ZNF800: variants seen among roughly 807,000 people sequenced by gnomAD.
ZNF800 encodes the protein zinc finger protein 800.
ZNF800 carries 13 observed loss-of-function variants against 59.5 expected under a neutral mutation model. The ratio of observed to expected loss-of-function variants is 0.22; its 90% CI spans 0.14 to 0.35. The LOEUF (loss-of-function observed/expected upper bound fraction) is 0.35, where lower values mean the gene tolerates loss of function less well. Ranked by LOEUF, ZNF800 falls within the 10% of genes least tolerant of loss-of-function variation. The pLI is 1.00. For missense variants in ZNF800, 621 were observed against 783.7 expected (o/e 0.79, Z 2.48); for synonymous variants, 266 against 265.7 (o/e 1.00, Z -0.01).
intron 1 of ZNF800, among the ~76,000 whole-genome samples, chr7:127,349,619 G>A (rs949519932): frequency 6.6e-6 from 1 of 152,152 alleles, no homozygotes; most frequent in Non-Finnish European, 1.5e-5. Flanking sequence ...TGAAGGTACT[G>A]GATACAATTA....
intron 3 of ZNF800, among the ~76,000 whole-genome samples, chr7:127,383,254 G>C (rs532212296): frequency 1.3e-5 from 2 of 152,000 alleles, no homozygotes; most frequent in South Asian, 4.2e-4. Flanking sequence ...TAGGCAGAAG[G>C]TGAGACACAA....
chr7:127,355,525 T>G (rs762928457), intron 1 of ZNF800, among the ~76,000 whole-genome samples: 1 of 152,034 alleles, frequency 6.6e-6, no homozygotes, highest in African/African-American at 2.4e-5. Flanking sequence ...GAGTTGGAAC[T>G]GTCAAGAACA....
chr7:127,368,632 T>C (rs916026228), downstream of ZNF800, among the ~76,000 whole-genome samples: 4 of 152,110 alleles, frequency 2.6e-5, no homozygotes, highest in African/African-American at 9.7e-5. Flanking sequence ...TCAGAAGTCA[T>C]GCTATTTGAA....
chr7:127,384,403 T>C lies in ZNF800; in HGVS notation c.157+1657A>G, dbSNP rs1801076485. 4.0e-5 allele frequency among the ~76,000 whole-genome samples: 6 copies of C among 151,576 alleles called. 1 individual carries two copies. The highest frequency in any genetic ancestry group is 3.3e-4 in the Admixed American group (5 of 15,246). On this transcript the variant is annotated intron_variant, in intron 3 of 5. Transcript: ENST00000265827. Reference sequence around the variant, plus strand: ...CGCCCGCCGCCGCCCCCCAGCTAATTTTTTGTATTTTTAGTAGAGACGGAG... The same window carrying C: ...CGCCCGCCGCCGCCCCCCAGCTAATCTTTTGTATTTTTAGTAGAGACGGAG...
At chr7:127,379,191 CA>C (rs1239571922) in intron 3 of ZNF800, among the ~76,000 whole-genome samples, 1 of 152,116 alleles carries the variant, frequency 6.6e-6, no homozygotes, top group Non-Finnish European at 1.5e-5. Context: ...TTTCACATTA[CA>C]AAATATCTTG....
At position 127,377,903 on chromosome 7, in the gene ZNF800, G is replaced by A. The variant is rs936057269; in HGVS notation, c.158-574C>T. On this transcript the variant is annotated intron_variant, in intron 3 of 5. Transcript: ENST00000265827. This position sits in a 1 kb window ranked among gnomAD's most constrained non-coding sequence, Gnocchi z 4.7. ...ATTACTTCAGGTTCTGGGCCAACAT[G>A]GGATTATGGCTATTTAGCGTGATTC... Among the ~76,000 whole-genome samples the A allele has an allele frequency of 2.6e-5, 4 of 151,944 alleles. No homozygotes were observed. Among genetic ancestry groups the A allele is most frequent in the African/African-American group, 9.7e-5 (4 of 41,396 alleles).
At position 127,374,537 on chromosome 7, in the gene ZNF800, G is replaced by C. The variant is rs1800731488; in HGVS notation, c.799C>G (p.Arg267Gly). 1 of 1,613,958 alleles carries C rather than the reference G, an allele frequency of 6.2e-7. No individual in the cohort carries two copies. The highest frequency in any genetic ancestry group is 8.5e-7 in the Non-Finnish European group (1 of 1,179,972). The change falls in exon 5 of 6, where the codon CGA (arginine) becomes GGA (glycine). Residue 267 changes from arginine (R) to glycine (G), a missense_variant. Transcript: ENST00000265827. ...TTAGAGGATTGGTTTGGATTCTTTC[G>C]TGTTTCAATGTACTTTTTTAGTTCT... Reference protein sequence around the residue: ...MEELKKYIETRKNPNQSSKGR... With the variant: ...MEELKKYIETGKNPNQSSKGR...
rs137920563 is a variant in ZNF800 at position 127,373,937 on chromosome 7, C to G, written c.1399G>C (p.Gly467Arg). ...GGTTTTCTGGTTTTTTGCTGGCCAC[C>G]TGCAGCCGACGGACTAGTTGATTTA... ...SPKSTSPSAA[G>R]GQQKTRKPKL... The change falls in exon 5 of 6, where the codon GGT becomes CGT. Residue 467 changes from glycine to arginine, a missense_variant. This residue lies in a region of ZNF800 where 185 missense variants were observed against 177.6 expected (regional missense o/e 1.04). Coordinates refer to ENST00000265827, the MANE Select transcript of ZNF800 (RefSeq NM_176814.5). The G allele has an allele frequency of 4.3e-6, 7 of 1,614,042 alleles. No homozygotes were observed. The highest frequency in any genetic ancestry group is 2.7e-5 in the African/African-American group (2 of 74,928).
intron 1 of ZNF800, among the ~76,000 whole-genome samples, chr7:127,364,964 T>C (rs17874842): frequency 6.6e-6 from 1 of 151,914 alleles, no homozygotes; most frequent in Non-Finnish European, 1.5e-5. Context: ...CTTAAGATTA[T>C]GTAAATGAGA....
Position 127,374,791 on chromosome 7 carries a change from G to A in ZNF800, c.545C>T (p.Pro182Leu), listed in dbSNP as rs201625729. 4.2e-5 allele frequency: 67 copies of A among 1,613,210 alleles called. No individual in the cohort carries two copies. Among genetic ancestry groups the A allele is most frequent in the African/African-American group, 2.0e-4 (15 of 74,954 alleles). ...ETSTEQSKTV[P>L]VTDTEVETVE... ...AGTTTCCACCTCTGTATCTGTAACCGGTACTGTTTTTGACTGTTCAGTGCT... is the reference window on the plus strand; with the variant it reads ...AGTTTCCACCTCTGTATCTGTAACCAGTACTGTTTTTGACTGTTCAGTGCT... Residue 182 changes from proline to leucine, a missense_variant, in exon 5 of 6, where the codon CCG becomes CTG. Pro to Leu is a moderately conservative substitution (Grantham distance 98). Around this residue, in one of 7 missense-constraint regions of ZNF800, gnomAD observed 218 missense variants for 230.8 expected, o/e 0.94. Coordinates refer to ENST00000265827, the MANE Select transcript of ZNF800 (RefSeq NM_176814.5).
Position 127,370,290 on chromosome 7 carries a change from A to C in ZNF800, c.*1524T>G, listed in dbSNP as rs1282358276. ...GTGTAGCTGCTCATAGTCACTGAAT[A>C]AGTTTAAATTTGATAATAAAACATT... On this transcript the variant is annotated 3_prime_UTR_variant, in exon 6 of 6. Coordinates refer to ENST00000265827, the MANE Select transcript of ZNF800 (RefSeq NM_176814.5). The C allele has an allele frequency of 1.3e-5, 2 of 152,528 alleles. No homozygotes were observed. The highest frequency in any genetic ancestry group is 3.8e-4 in the East Asian group (2 of 5,202). 9.4% of individuals were successfully genotyped at this position (152,528 alleles called of 1,614,324 possible).
chr7:127,362,459 C>T (rs2117054026), intron 1 of ZNF800: 1 of 152,252 alleles, frequency 6.6e-6, no homozygotes, highest in Middle Eastern at 3.4e-3. Context: ...TGAGAATGTA[C>T]TAAGAGTCTA....
At chr7:127,367,371 A>G (rs905508605), downstream of ZNF800, among the ~76,000 whole-genome samples, 2 of 152,184 alleles carry the variant, frequency 1.3e-5, no homozygotes, top group African/African-American at 4.8e-5. Flanking sequence ...TTACACGCCA[A>G]TTAGATGACT....
intron 1 of ZNF800, among the ~76,000 whole-genome samples, chr7:127,353,077 A>G (rs1260530594): frequency 6.6e-6 from 1 of 152,204 alleles, no homozygotes; most frequent in African/African-American, 2.4e-5. Flanking sequence ...TATTTTGCTT[A>G]TTAAAAGAAT....
chr7:127,365,401 G>C (rs1587430796), downstream of ZNF800, among the ~76,000 whole-genome samples: 3 of 152,212 alleles, frequency 2.0e-5, no homozygotes, highest in African/African-American at 7.2e-5. Flanking sequence ...GATAACTGAA[G>C]TGTTGTTCCT....
intron 1 of ZNF800, chr7:127,364,020 C>G (rs551101749): frequency 6.6e-6 from 1 of 152,156 alleles, no homozygotes; most frequent in Admixed American, 6.6e-5. Context: ...TTGTATATTT[C>G]TATCTCATTA....
At chr7:127,366,949 G>A (rs1189088233), downstream of ZNF800, among the ~76,000 whole-genome samples, 1 of 152,134 alleles carries the variant, frequency 6.6e-6, no homozygotes, top group African/African-American at 2.4e-5. Flanking sequence ...TACAGAAGGG[G>A]AAAGTAGCGG....
At chr7:127,357,004 C>G (rs1445304330) in intron 1 of ZNF800, among the ~76,000 whole-genome samples, 1 of 151,998 alleles carries the variant, frequency 6.6e-6, no homozygotes, top group African/African-American at 2.4e-5. Context: ...AGACCAATGG[C>G]ATCTTGAGTG....
chr7:127,348,552 A>G (rs1234178276), intron 1 of ZNF800, among the ~76,000 whole-genome samples: 1 of 152,244 alleles, frequency 6.6e-6, no homozygotes, highest in Non-Finnish European at 1.5e-5. Flanking sequence ...ACGTAATGAT[A>G]TGGAAAAGAA....
Sources: allele counts gnomAD v4.1 joint callset (sites outside exome capture counted in the v4.1 genomes callset), GRCh38; gene constraint gnomAD v4.1.1; regional missense constraint gnomAD v4.1.1; non-coding constraint Gnocchi (gnomAD v3.1); transcripts MANE v1.5; gene names NCBI Gene and HGNC (gene_info 2026-07-23, HGNC 2026-07-21).